Variants in SMIM14 observed in about 807,000 individuals in gnomAD.
SMIM14 encodes the protein chromosome 4 open reading frame 34.
Under a neutral mutation model 12.6 loss-of-function variants are expected in SMIM14, and 5 were observed. The observed-to-expected ratio is 0.40, with a 90% CI of 0.21 to 0.83. The LOEUF (loss-of-function observed/expected upper bound fraction) is 0.83. Among genes scored for constraint, SMIM14 ranks in the 40% least tolerant of loss-of-function variants. SMIM14 has a pLI of 0.37. For missense variants in SMIM14, 86 were observed against 119.1 expected, an observed-to-expected ratio of 0.72 and a Z score of 1.29; for synonymous variants, 30 against 40.1, an observed-to-expected ratio of 0.75 and a Z score of 0.95.
At chr4:39,565,049 A>G (rs971609073) in intron 3 of SMIM14, among the ~76,000 whole-genome samples, 36 of 151,766 alleles carry the variant, frequency 2.4e-4, no homozygotes, top group African/African-American at 8.5e-4. Flanking sequence ...CTATCTCTAC[A>G]AAATAAAAAA....
chr4:39,603,925 C>T (rs1714709512), intron 2 of SMIM14, among the ~76,000 whole-genome samples: 1 of 151,330 alleles, frequency 6.6e-6, no homozygotes, highest in Non-Finnish European at 1.5e-5. Flanking sequence ...GCAGGAGAAT[C>T]ACTTGAACCC....
intron 1 of SMIM14, among the ~76,000 whole-genome samples, chr4:39,617,549 G>A (rs1715269822): frequency 1.3e-5 from 2 of 152,074 alleles, no homozygotes; most frequent in Non-Finnish European, 2.9e-5. Context: ...GAATTTGTTG[G>A]TTAAATATAG....
intron 1 of SMIM14, among the ~76,000 whole-genome samples, chr4:39,630,008 T>C (rs1031342653): frequency 1.3e-5 from 2 of 152,292 alleles, no homozygotes; most frequent in South Asian, 4.1e-4. Flanking sequence ...ATGGTACCAG[T>C]TTGTTAAAGA....
intron 4 of SMIM14, among the ~76,000 whole-genome samples, chr4:39,553,461 CAAAG>C (rs1414258329): frequency 3.3e-5 from 5 of 151,786 alleles, no homozygotes; most frequent in African/African-American, 4.8e-5. Flanking sequence ...CAAAGCTATA[CAAAG>C]AAAGTAAGAA....
In SMIM14 at chr4:39,552,088, G is replaced by A; in HGVS notation, c.*38C>T. Reference sequence around the variant, plus strand: ...TGGTCATCTTCGTTCGTTTGGTCGTGCAAGGTGTTAACTATTTTCACTTCC... The same window carrying A: ...TGGTCATCTTCGTTCGTTTGGTCGTACAAGGTGTTAACTATTTTCACTTCC... On this transcript the variant is annotated 3_prime_UTR_variant, in exon 5 of 5. Transcript: ENST00000295958. 2.6e-6 allele frequency: 4 copies of A among 1,565,092 alleles called. No homozygotes were observed. The highest frequency in any genetic ancestry group is 1.8e-5 in the Admixed American group (1 of 54,834).
chr4:39,609,226 C>G (rs936755347), intron 1 of SMIM14, among the ~76,000 whole-genome samples: 1 of 152,102 alleles, frequency 6.6e-6, no homozygotes, highest in Non-Finnish European at 1.5e-5. Context: ...GCGATCCGCC[C>G]GCCTTGGCCT....
intron 2 of SMIM14, among the ~76,000 whole-genome samples, chr4:39,595,608 ATTT>A (rs71192880): frequency 1.5e-5 from 2 of 135,518 alleles, no homozygotes; most frequent in African/African-American, 2.8e-5. Flanking sequence ...TGTAACTACG[ATTT>A]TTTTTTTTTT....
chr4:39,578,590 A>T (rs1261703531), intron 2 of SMIM14, among the ~76,000 whole-genome samples: 1 of 152,236 alleles, frequency 6.6e-6, no homozygotes, highest in East Asian at 1.9e-4. Flanking sequence ...GTTGCTGTCC[A>T]GGAAACCATT....
intron 3 of SMIM14, among the ~76,000 whole-genome samples, chr4:39,570,858 T>C (rs1712844601): frequency 6.6e-6 from 1 of 152,138 alleles, no homozygotes; most frequent in Non-Finnish European, 1.5e-5. Flanking sequence ...TGATATTTTA[T>C]AAGTAGTGAA....
At chr4:39,552,198 A>C in intron 4 of SMIM14, 40 bp from the exon 5 acceptor site, 1 of 1,469,802 alleles carries the variant, frequency 6.8e-7, no homozygotes, top group South Asian at 1.4e-5. Context: ...TTGACTTTTT[A>C]AAAATTCAAA....
intron 1 of SMIM14, among the ~76,000 whole-genome samples, chr4:39,624,110 T>C (rs1715604336): frequency 6.6e-6 from 1 of 152,184 alleles, no homozygotes; most frequent in Non-Finnish European, 1.5e-5. Flanking sequence ...TTTTATCAGA[T>C]TACCCAAAGT....
At chr4:39,572,313 A>G (rs1712937058) in intron 3 of SMIM14, 102 bp downstream of exon 3, 1 of 378,466 alleles carries the variant, frequency 2.6e-6, no homozygotes, top group African/African-American at 3.1e-5. Context: ...GGTAACCACT[A>G]GAATAGGCAA....
intron 1 of SMIM14, among the ~76,000 whole-genome samples, chr4:39,618,689 T>A (rs921051735): frequency 6.7e-6 from 1 of 149,180 alleles, no homozygotes; most frequent in African/African-American, 2.5e-5. Flanking sequence ...CAAAGCCCAG[T>A]GTAATGAAAC....
At chr4:39,637,844 G>A (rs1716157741) in intron 1 of SMIM14, among the ~76,000 whole-genome samples, 1 of 152,186 alleles carries the variant, frequency 6.6e-6, no homozygotes, top group Non-Finnish European at 1.5e-5. Flanking sequence ...AATATGTACA[G>A]CTGCTGTTTC....
chr4:39,632,669 T>C (rs1715947800), intron 1 of SMIM14, among the ~76,000 whole-genome samples: 1 of 150,852 alleles, frequency 6.6e-6, no homozygotes, highest in South Asian at 2.1e-4. Context: ...TCTCAGCTAC[T>C]AGGGAGGCTG....
intron 2 of SMIM14, among the ~76,000 whole-genome samples, chr4:39,583,747 C>T (rs189277003): frequency 1.3e-5 from 2 of 152,196 alleles, no homozygotes; most frequent in African/African-American, 4.8e-5. Context: ...ACAGATTTTA[C>T]AAGATAAGAC....
chr4:39,599,790 C>T (rs1714526716), intron 2 of SMIM14, among the ~76,000 whole-genome samples: 1 of 151,952 alleles, frequency 6.6e-6, no homozygotes, highest in Non-Finnish European at 1.5e-5. Context: ...GGCATGGTAG[C>T]GCGCACCTAT....
In SMIM14 at chr4:39,547,574, A is replaced by C. The variant is rs1747390215; in HGVS notation, c.*4552T>G. Reference sequence around the variant, plus strand: ...AGACTAAACTTACTATTGCAACAACAAAAATTTAACCCATTAAACTAGAAA... The same window carrying C: ...AGACTAAACTTACTATTGCAACAACCAAAATTTAACCCATTAAACTAGAAA... On this transcript the variant is annotated 3_prime_UTR_variant, in exon 5 of 5. Transcript: ENST00000295958. 6.6e-6 allele frequency: 1 copy of C among 152,252 alleles called. No homozygotes were observed. The allele number at this position is 152,252 out of a possible 1,614,324, so 9.4% of individuals were successfully genotyped here. A position where few individuals can be genotyped will look rare whatever the true frequency, so the allele number is the denominator to read the frequency against.
intron 2 of SMIM14, among the ~76,000 whole-genome samples, chr4:39,574,165 G>A (rs1713039425): frequency 1.3e-5 from 2 of 151,304 alleles, no homozygotes; most frequent in Non-Finnish European, 2.9e-5. Flanking sequence ...CTATGGTGCA[G>A]TAGTGCTTAG....
Sources: gnomAD v4.1 joint callset for allele counts (sites outside exome capture counted in the v4.1 genomes callset) on GRCh38, gnomAD v4.1.1 for gene constraint, MANE v1.5 for transcripts, NCBI Gene and HGNC (gene_info 2026-07-23, HGNC 2026-07-21) for gene names.